DNAJC13: variants seen among roughly 807,000 people sequenced by gnomAD.
The protein encoded by DNAJC13 is dnaJ homolog subfamily C member 13.
DNAJC13 carries 75 observed loss-of-function variants against 290.5 expected under a neutral mutation model. The observed-to-expected ratio is 0.26, with a 90% CI of 0.21 to 0.31. The LOEUF is 0.31. DNAJC13 is among the 10% of genes least tolerant of loss of function. The probability of loss-of-function intolerance (pLI) is 1.00; values close to 1 mark genes in which losing one functional copy is unlikely to be tolerated. For synonymous variants in DNAJC13, 862 were observed against 892.0 expected (o/e 0.97, Z 0.60); for missense variants, 2,260 against 2,674.5 (o/e 0.85, Z 3.42).
chr3:132,467,353 T>C, intron 20 of DNAJC13, 40 bp downstream of exon 20: 1 of 1,609,382 alleles, frequency 6.2e-7, no homozygotes, highest in African/African-American at 1.3e-5. Flanking sequence ...GGCACTTCTG[T>C]GTGTCCTAGT....
At chr3:132,501,992 G>A (rs577700390) in intron 39 of DNAJC13, among the ~76,000 whole-genome samples, 1 of 152,132 alleles carries the variant, frequency 6.6e-6, no homozygotes, top group Non-Finnish European at 1.5e-5. Flanking sequence ...TTGATGCCAT[G>A]TCACTATTTT....
chr3:132,428,092 T>C (rs1576454048), intron 1 of DNAJC13, among the ~76,000 whole-genome samples: 1 of 152,212 alleles, frequency 6.6e-6, no homozygotes, highest in African/African-American at 2.4e-5. Context: ...TCTTCCCAGA[T>C]TGAATGATTC....
chr3:132,444,021 GC>G (rs1933163623), intron 2 of DNAJC13, among the ~76,000 whole-genome samples: 1 of 152,094 alleles, frequency 6.6e-6, no homozygotes, highest in South Asian at 2.1e-4. Flanking sequence ...CTACCTTATT[GC>G]AGGGGCCCCC....
intron 1 of DNAJC13, among the ~76,000 whole-genome samples, chr3:132,431,084 A>G (rs1232083375): frequency 6.6e-6 from 1 of 152,356 alleles, no homozygotes; most frequent in East Asian, 1.9e-4. Context: ...GGTTTGACAA[A>G]ACCCTATTTG....
intron 15 of DNAJC13, among the ~76,000 whole-genome samples, chr3:132,461,533 T>C: frequency 6.6e-6 from 1 of 152,220 alleles, no homozygotes; most frequent in East Asian, 1.9e-4. Context: ...ACAAGCTTGA[T>C]CTATAATATT....
chr3:132,494,144 G>T lies in DNAJC13; in HGVS notation c.3826G>T (p.Val1276Phe), dbSNP rs770535735. 6 of 1,590,650 alleles carry T rather than the reference G, an allele frequency of 3.8e-6. No homozygotes were observed. The highest frequency in any genetic ancestry group is 5.1e-6 in the Non-Finnish European group (6 of 1,168,490). ...TAAATTTTAATCTTTTGTCTTTAAG[G>T]TTAAGCTTCTAAAAGATACCCTTGA... is the stretch of plus-strand genomic sequence containing the variant. Reference protein sequence around the residue: ...RFPDWPIKDPVKLLKDTLDAW... With the variant: ...RFPDWPIKDPFKLLKDTLDAW... The change falls in exon 34 of 56, where the codon GTT (valine) becomes TTT (phenylalanine). Residue 1276 changes from valine (V) to phenylalanine (F), a missense_variant and splice_region_variant. Around this residue, in one of 3 missense-constraint regions of DNAJC13, gnomAD observed 1,494 missense variants for 1,693.7 expected, o/e 0.88. Transcript: ENST00000260818.
At chr3:132,418,552 C>G (rs1938866799) in intron 1 of DNAJC13, among the ~76,000 whole-genome samples, 1 of 152,188 alleles carries the variant, frequency 6.6e-6, no homozygotes, top group Non-Finnish European at 1.5e-5. Flanking sequence ...AGATTTCACC[C>G]TAATGTGGCG....
At chr3:132,528,037 TA>T in intron 53 of DNAJC13, 151 bp from the exon 54 acceptor site, 1 of 736,966 alleles carries the variant, frequency 1.4e-6, no homozygotes, top group Non-Finnish European at 2.2e-6. Flanking sequence ...TCTCATTAAA[TA>T]AAAATGTCAT....
intron 9 of DNAJC13, among the ~76,000 whole-genome samples, chr3:132,455,267 G>A (rs186876617): frequency 1.3e-5 from 2 of 152,268 alleles, no homozygotes; most frequent in East Asian, 3.9e-4. Context: ...AAAAGATCAT[G>A]AATCTTTAGG....
intron 55 of DNAJC13, among the ~76,000 whole-genome samples, chr3:132,534,600 C>G (rs1028390571): frequency 6.6e-6 from 1 of 152,108 alleles, no homozygotes; most frequent in African/African-American, 2.4e-5. Context: ...GAGCTGAGCT[C>G]TCACCACCAC....
At chr3:132,512,121 G>A (rs372148105) in intron 44 of DNAJC13, among the ~76,000 whole-genome samples, 23 of 152,228 alleles carry the variant, frequency 1.5e-4, no homozygotes, top group African/African-American at 1.7e-4. Context: ...TATTACTAGT[G>A]GTATGTTAGG....
chr3:132,485,833 T>C (rs1321047572), intron 29 of DNAJC13, among the ~76,000 whole-genome samples: 1 of 152,224 alleles, frequency 6.6e-6, no homozygotes, highest in East Asian at 1.9e-4. Context: ...TTTTTGGAAT[T>C]AAGCTATTTA....
intron 32 of DNAJC13, 37 bp from the exon 33 acceptor site, chr3:132,492,377 C>A (rs1935081783): frequency 1.3e-6 from 2 of 1,594,714 alleles, no homozygotes; most frequent in Admixed American, 1.7e-5. Context: ...TAAAATAATA[C>A]CTCATAAAGC....
Position 132,477,689 on chromosome 3 carries a change from GA to G in DNAJC13, c.2446-97del, listed in dbSNP as rs1409866202. Reference sequence around the variant, plus strand: ...AATATTGAATTAACAGGTATTTTAAGAAATAAGTTTTGAACAGAAAGAACTA... The same window carrying G: ...AATATTGAATTAACAGGTATTTTAAGAATAAGTTTTGAACAGAAAGAACTA... On this transcript the variant is annotated intron_variant, in intron 22 of 55. Transcript: ENST00000260818. The G allele has an allele frequency of 3.7e-6, 3 of 814,038 alleles. No individual in the cohort carries two copies. In the East Asian group the frequency reaches 7.6e-5, roughly 21 times the overall value. The allele number at this position is 814,038 out of a possible 1,614,324, so 50.4% of individuals were successfully genotyped here. A position where few individuals can be genotyped will look rare whatever the true frequency, so the allele number is the denominator to read the frequency against.
rs1303906968 is a variant in DNAJC13 at position 132,417,526 on chromosome 3, G to C, written c.-248G>C. On this transcript the variant is annotated 5_prime_UTR_variant, in exon 1 of 56. Transcript: ENST00000260818. The stretch of plus-strand genomic sequence containing the variant: ...TAGAGCGCGCTCGCTCAAAGCCTGA[G>C]CGAAGATGGCGGCCTCCAGAGTGAA... 1.3e-5 allele frequency: 2 copies of C among 152,220 alleles called. No individual in the cohort carries two copies. The highest frequency in any genetic ancestry group is 4.8e-5 in the African/African-American group (2 of 41,442). The allele number at this position is 152,220 out of a possible 1,614,324, so 9.4% of individuals were successfully genotyped here.
chr3:132,507,238 G>A lies in DNAJC13; in HGVS notation c.5000G>A (p.Gly1667Asp). Residue 1667 changes from glycine (G) to aspartate (D), a missense_variant and splice_region_variant, in exon 43 of 56, where the codon GGT becomes GAT. By Grantham distance (94) the Gly-to-Asp change is moderately conservative. This residue lies in a region of DNAJC13 where 1,494 missense variants were observed against 1,693.7 expected (regional missense o/e 0.88). Transcript: ENST00000260818. Reference sequence around the variant, plus strand: ...TCTATTTTTTCATCTTTTAAAAAGGGTGATTGTGACAAAACTTATGGATCA... The same window carrying A: ...TCTATTTTTTCATCTTTTAAAAAGGATGATTGTGACAAAACTTATGGATCA... ...ESQQENMIKK[G>D]DCDKTYGSEF... is the part of the protein sequence containing the mutation. 2 of 1,588,628 alleles carry A rather than the reference G, an allele frequency of 1.3e-6. No homozygotes were observed. Among genetic ancestry groups the A allele is most frequent in the Middle Eastern group, 1.7e-4 (1 of 6,008 alleles).
rs752266405 is a variant in DNAJC13, at chr3:132,477,831, T to C, written c.2488T>C (p.Tyr830His). 1.2e-6 allele frequency: 2 copies of C among 1,613,326 alleles called. No homozygotes were observed. The highest frequency in any genetic ancestry group is 1.7e-6 in the Non-Finnish European group (2 of 1,179,714). The change falls in exon 23 of 56, where the codon TAT becomes CAT. Residue 830 changes from tyrosine (Y) to histidine (H), a missense_variant. Physicochemically the swap from Tyr to His is moderately conservative, Grantham distance 83. Transcript: ENST00000260818. ...GGCAGAGGAAATTAAAATAGGAGAC[T>C]ATTACCTGAGATTACTATTGGAGGA... ...CLAEEIKIGD[Y>H]YLRLLLEEDE...
At position 132,488,090 on chromosome 3, in the gene DNAJC13, A is replaced by G. The variant is rs567425206; in HGVS notation, c.3268-208A>G. 2.0e-5 allele frequency among the ~76,000 whole-genome samples: 3 copies of G among 152,276 alleles called. No individual in the cohort carries two copies. In the South Asian group the frequency reaches 6.2e-4, roughly 32 times the overall value. ...GGCTTTTCTGAATACATTTTGATCA[A>G]TTCTCAATTGATGTTCTGCATTAAA... On this transcript the variant is annotated intron_variant, in intron 29 of 55. Coordinates refer to ENST00000260818, the MANE Select transcript of DNAJC13 (RefSeq NM_015268.4).
chr3:132,502,341 T>C lies in DNAJC13; in HGVS notation c.4589T>C (p.Val1530Ala). The C allele has an allele frequency of 6.2e-7, 1 of 1,613,964 alleles. No individual in the cohort carries two copies. Among genetic ancestry groups the C allele is most frequent in the Non-Finnish European group, 8.5e-7 (1 of 1,179,952 alleles). ...LGVECVSSFA[V>A]DFWLQTHLFQ... ...GTAGAATGTGTCAGTTCTTTTGCTG[T>C]GGATTTCTGGCTACAGACACACCTA... The change falls in exon 40 of 56, where the codon GTG (valine) becomes GCG (alanine). Residue 1530 changes from valine to alanine, a missense_variant. This residue lies in a region of DNAJC13 where 1,494 missense variants were observed against 1,693.7 expected (regional missense o/e 0.88). Coordinates refer to ENST00000260818, the MANE Select transcript of DNAJC13 (RefSeq NM_015268.4).
Sources: allele counts gnomAD v4.1 joint callset (sites outside exome capture counted in the v4.1 genomes callset), GRCh38; gene constraint gnomAD v4.1.1; regional missense constraint gnomAD v4.1.1; transcripts MANE v1.5; gene names NCBI Gene and HGNC (gene_info 2026-07-23, HGNC 2026-07-21).